NTNG1: variants seen among roughly 807,000 people sequenced by gnomAD.
The protein encoded by NTNG1 is netrin-G1.
A neutral mutation model predicts 54.0 loss-of-function variants in NTNG1; 16 were observed. The observed-to-expected ratio is 0.30, with a 90% CI of 0.20 to 0.45. NTNG1 has a LOEUF of 0.45. NTNG1 is among the 20% of genes least tolerant of loss of function. The pLI is 1.00. For missense variants in NTNG1, 530 were observed against 678.7 expected (o/e 0.78, Z 2.43); for synonymous variants, 255 against 263.1 (o/e 0.97, Z 0.30).
In NTNG1 at chr1:107,315,787, A is replaced by G. The variant is rs181594303; in HGVS notation, c.247-8495A>G. Among the ~76,000 whole-genome samples, 321 of 152,294 alleles carry G rather than the reference A, an allele frequency of 2.1e-3. 1 individual carries two copies. The highest frequency in any genetic ancestry group is 7.0e-3 in the African/African-American group (291 of 41,556). ...GGCTGCCTTTCCAACTAACCTGTAA[A>G]TGAACTTAGTCTATATAGGGACTCA... On this transcript the variant is annotated intron_variant, in intron 2 of 7. Coordinates refer to ENST00000370068, the MANE Select transcript of NTNG1 (RefSeq NM_001113226.3).
At chr1:107,377,117 T>C (rs1005604827) in intron 3 of NTNG1, among the ~76,000 whole-genome samples, 3 of 152,188 alleles carry the variant, frequency 2.0e-5, no homozygotes, top group Non-Finnish European at 4.4e-5. Flanking sequence ...CATATCTGTT[T>C]CCCCCAGTTT....
chr1:107,347,020 A>G (rs1014835983), intron 3 of NTNG1, among the ~76,000 whole-genome samples: 2 of 151,870 alleles, frequency 1.3e-5, no homozygotes, highest in African/African-American at 2.4e-5. Context: ...GGGAATAAAG[A>G]ACAAGGCAAA....
chr1:107,369,185 G>A (rs1670772838), intron 3 of NTNG1, among the ~76,000 whole-genome samples: 1 of 151,880 alleles, frequency 6.6e-6, no homozygotes, highest in Non-Finnish European at 1.5e-5. Context: ...CCAGTTTTTG[G>A]CTATTACAAG....
chr1:107,412,682 G>A (rs886725402), intron 5 of NTNG1, among the ~76,000 whole-genome samples: 2 of 152,088 alleles, frequency 1.3e-5, no homozygotes, highest in African/African-American at 2.4e-5. Flanking sequence ...GTTGTCACCT[G>A]GAGAACTTAC....
At chr1:107,410,463 C>T (rs1673726745) in intron 5 of NTNG1, 1 of 152,142 alleles carries the variant, frequency 6.6e-6, no homozygotes, top group African/African-American at 2.4e-5. Flanking sequence ...AAATAGGTTT[C>T]CCATAATCCT....
chr1:107,229,507 A>G (rs1269170368), intron 2 of NTNG1, among the ~76,000 whole-genome samples: 2 of 151,690 alleles, frequency 1.3e-5, no homozygotes, highest in Non-Finnish European at 2.9e-5. Context: ...TGTGTTTAAT[A>G]TATTTCAAAG....
intron 3 of NTNG1, 106 bp downstream of exon 3, chr1:107,325,028 T>C: frequency 8.6e-7 from 1 of 1,156,960 alleles, no homozygotes; most frequent in Admixed American, 2.3e-5. Flanking sequence ...ACTGCAACGT[T>C]TTCTTCAGGA....
intron 7 of NTNG1, among the ~76,000 whole-genome samples, chr1:107,450,868 A>C (rs2101481356): frequency 6.6e-6 from 1 of 152,206 alleles, no homozygotes; most frequent in South Asian, 2.1e-4. Flanking sequence ...GCCTACTGGA[A>C]GGGTCTTGAA....
At chr1:107,178,314 T>A (rs1430149749) in intron 2 of NTNG1, among the ~76,000 whole-genome samples, 1 of 152,162 alleles carries the variant, frequency 6.6e-6, no homozygotes, top group African/African-American at 2.4e-5. Flanking sequence ...TCAATTCTTA[T>A]CAGCTGTGAA....
At chr1:107,374,777 G>A (rs1247116994) in intron 3 of NTNG1, among the ~76,000 whole-genome samples, 2 of 151,890 alleles carry the variant, frequency 1.3e-5, no homozygotes, top group African/African-American at 2.4e-5. Context: ...AATAGGTATT[G>A]TGAATTTTAT....
intron 2 of NTNG1, among the ~76,000 whole-genome samples, chr1:107,223,863 G>C (rs1374477745): frequency 6.6e-6 from 1 of 152,130 alleles, no homozygotes; most frequent in Non-Finnish European, 1.5e-5. Context: ...AATTGTGTCA[G>C]ATTGAAGGGT....
rs562859777 is a variant in NTNG1 at position 107,301,198 on chromosome 1, A to T, written c.247-23084A>T. Among the ~76,000 whole-genome samples the T allele has an allele frequency of 1.4e-4, 22 of 152,310 alleles. 1 individual carries two copies. In the South Asian group the frequency reaches 3.3e-3, roughly 23 times the overall value. ...CTATGTAATGTTTAGATTTATTTTG[A>T]TTATTAATTTGAAGGGGCATACATT... On this transcript the variant is annotated intron_variant, in intron 2 of 7. Coordinates refer to ENST00000370068, the MANE Select transcript of NTNG1 (RefSeq NM_001113226.3).
intron 2 of NTNG1, among the ~76,000 whole-genome samples, chr1:107,243,069 C>A (rs1448420393): frequency 6.6e-6 from 1 of 152,126 alleles, no homozygotes; most frequent in Non-Finnish European, 1.5e-5. Context: ...TGTTGAAAAT[C>A]CTCGTAACTT....
At chr1:107,224,397 G>T (rs1660545057) in intron 2 of NTNG1, among the ~76,000 whole-genome samples, 1 of 152,106 alleles carries the variant, frequency 6.6e-6, no homozygotes, top group South Asian at 2.1e-4. Flanking sequence ...GAAAATTGGT[G>T]CTTATCTGGA....
intron 3 of NTNG1, among the ~76,000 whole-genome samples, chr1:107,370,302 G>A (rs559527337): frequency 4.1e-4 from 61 of 149,950 alleles, no homozygotes; most frequent in Non-Finnish European, 7.3e-4. Flanking sequence ...TTGAGAGTGC[G>A]TTGAATCCAT....
rs1675536433 is a variant in NTNG1 at position 107,435,421 on chromosome 1, A to G, written c.1256-1244A>G. Among the ~76,000 whole-genome samples, 2 of 152,166 alleles carry G rather than the reference A, an allele frequency of 1.3e-5. 1 individual carries two copies. The highest frequency in any genetic ancestry group is 4.8e-5 in the African/African-American group (2 of 41,450). On this transcript the variant is annotated intron_variant, in intron 6 of 7. Transcript: ENST00000370068. ...AGTTTTATTTTTACCTACATATATA[A>G]CTATTCATCATATAAATGTTTGTTT...
At chr1:107,476,478 G>T (rs1374750389) in intron 7 of NTNG1, among the ~76,000 whole-genome samples, 1 of 152,126 alleles carries the variant, frequency 6.6e-6, no homozygotes, top group Non-Finnish European at 1.5e-5. Context: ...AGTTCTAAAA[G>T]TCAATAGGTC....
chr1:107,191,406 T>G (rs1191828291), intron 2 of NTNG1, among the ~76,000 whole-genome samples: 1 of 152,130 alleles, frequency 6.6e-6, no homozygotes. Context: ...TAGTTTCTTT[T>G]GCTGTGCAGA....
chr1:107,238,484 A>C (rs1172701202), intron 2 of NTNG1, among the ~76,000 whole-genome samples: 1 of 152,084 alleles, frequency 6.6e-6, no homozygotes, highest in Non-Finnish European at 1.5e-5. Context: ...AGGACATAAG[A>C]ATTGGGAGGA....
Sources: gnomAD v4.1 joint callset for allele counts (sites outside exome capture counted in the v4.1 genomes callset) on GRCh38, gnomAD v4.1.1 for gene constraint, MANE v1.5 for transcripts, NCBI Gene and HGNC (gene_info 2026-07-23, HGNC 2026-07-21) for gene names.